PUS7: variants seen among roughly 807,000 people sequenced by gnomAD.
PUS7 encodes the protein pseudouridine synthase 7.
Under a neutral mutation model 79.8 loss-of-function variants are expected in PUS7, and 48 were observed. The ratio of observed to expected loss-of-function variants is 0.60; its 90% CI spans 0.48 to 0.76. PUS7 has a LOEUF of 0.76. Among genes scored for constraint, PUS7 ranks in the 30% least tolerant of loss-of-function variants. The pLI, the probability that PUS7 is intolerant of heterozygous loss-of-function variation, is 0.00. For synonymous variants in PUS7, 286 were observed against 272.2 expected (o/e 1.05, Z -0.50); for missense variants, 729 against 797.6 (o/e 0.91, Z 1.04).
In PUS7 at chr7:105,506,045, T is replaced by C. The variant is rs184290686; in HGVS notation, c.495A>G (p.Glu165=). 6 of 1,613,110 alleles carry C rather than the reference T, an allele frequency of 3.7e-6. No individual in the cohort carries two copies. In the East Asian group the frequency reaches 1.3e-4, roughly 36 times the overall value. ...SIPVDEEDPS[E]DIFTVLTAEE... Reference sequence around the variant, plus strand: ...CAGCTGTCAAAACTGTAAATATGTCTTCTGAAGGGTCCTTTAAAATAACCA... The same window carrying C: ...CAGCTGTCAAAACTGTAAATATGTCCTCTGAAGGGTCCTTTAAAATAACCA... The change falls in exon 4 of 16, where the codon GAA becomes GAG. Residue 165 remains glutamate (E), a synonymous_variant. Coordinates refer to ENST00000469408, the MANE Select transcript of PUS7 (RefSeq NM_019042.5).
chr7:105,480,808 A>T (rs1317950011), intron 9 of PUS7, among the ~76,000 whole-genome samples: 1 of 151,850 alleles, frequency 6.6e-6, no homozygotes, highest in Non-Finnish European at 1.5e-5. Context: ...TAAAATAAAA[A>T]AATAAAAATA....
intron 15 of PUS7, among the ~76,000 whole-genome samples, chr7:105,458,241 T>TGA (rs1447625765): frequency 6.6e-6 from 1 of 152,126 alleles, no homozygotes; most frequent in East Asian, 1.9e-4. Flanking sequence ...AATTTGATGA[T>TGA]GAGAATGCCA....
At chr7:105,481,381 G>A (rs1824313919) in intron 8 of PUS7, among the ~76,000 whole-genome samples, 1 of 152,150 alleles carries the variant, frequency 6.6e-6, no homozygotes, top group African/African-American at 2.4e-5. Flanking sequence ...ATTTTTAAGT[G>A]TGCAATTTGG....
chr7:105,461,254 T>C (rs1402858508), intron 14 of PUS7, among the ~76,000 whole-genome samples: 1 of 152,224 alleles, frequency 6.6e-6, no homozygotes, highest in Admixed American at 6.5e-5. Flanking sequence ...CAGAGATAGC[T>C]CTGTAAGCAA....
At chr7:105,482,658 A>C (rs1378936483) in intron 7 of PUS7, among the ~76,000 whole-genome samples, 1 of 151,648 alleles carries the variant, frequency 6.6e-6, no homozygotes, top group Non-Finnish European at 1.5e-5. Context: ...CAAATTGCAT[A>C]CTCCTGGCCA....
chr7:105,509,441 A>G (rs1417519969), intron 1 of PUS7, among the ~76,000 whole-genome samples: 1 of 151,928 alleles, frequency 6.6e-6, no homozygotes, highest in East Asian at 1.9e-4. Flanking sequence ...GAAATAATAA[A>G]GTTTTAGCTC....
At chr7:105,486,193 C>T (rs908395613) in intron 7 of PUS7, among the ~76,000 whole-genome samples, 3 of 151,990 alleles carry the variant, frequency 2.0e-5, no homozygotes, top group South Asian at 2.1e-4. Flanking sequence ...GCTGGGATTA[C>T]AGACGCCTGC....
rs1222104837 is a variant in PUS7 at position 105,491,621 on chromosome 7, G to A, written c.843-4C>T. ...GGAGAATATATTTGGCTTGACTCTG[G>A]TAAGAGAGAAACAAGATCATCTGAA... is the stretch of plus-strand genomic sequence containing the variant. On this transcript the variant is annotated splice_region_variant and splice_polypyrimidine_tract_variant and intron_variant, in intron 6 of 15. Coordinates refer to ENST00000469408, the MANE Select transcript of PUS7 (RefSeq NM_019042.5). 6.5e-7 allele frequency: 1 copy of A among 1,543,570 alleles called. No homozygotes were observed. Among genetic ancestry groups the A allele is most frequent in the Non-Finnish European group, 9.0e-7 (1 of 1,117,298 alleles).
intron 1 of PUS7, among the ~76,000 whole-genome samples, chr7:105,520,320 G>C (rs191665329): frequency 7.3e-4 from 111 of 151,986 alleles, no homozygotes; most frequent in African/African-American, 2.5e-3. Context: ...TTAGCCGGGC[G>C]TGGTGGCGGG....
chr7:105,488,007 A>G (rs1824623910), intron 7 of PUS7, among the ~76,000 whole-genome samples: 1 of 152,134 alleles, frequency 6.6e-6, no homozygotes, highest in Non-Finnish European at 1.5e-5. Flanking sequence ...GGCCCCATGT[A>G]TCCATTAAAC....
At chr7:105,510,414 G>GTC (rs1197918344) in intron 1 of PUS7, among the ~76,000 whole-genome samples, 2 of 152,098 alleles carry the variant, frequency 1.3e-5, no homozygotes, top group African/African-American at 4.8e-5. Context: ...TGTCATACAG[G>GTC]TGGTATATAG....
rs201227498 is a variant in PUS7 at position 105,472,187 on chromosome 7, T to C, written c.1182A>G (p.Ile394Met). The C allele has an allele frequency of 3.2e-6, 5 of 1,579,054 alleles. No homozygotes were observed. Among genetic ancestry groups the C allele is most frequent in the Non-Finnish European group, 1.7e-6 (2 of 1,150,284 alleles). The change falls in exon 10 of 16, where the codon ATA becomes ATG. Residue 394 changes from isoleucine (I) to methionine (M), a missense_variant. Transcript: ENST00000469408. Reference protein sequence around the residue: ...AVPTYQVGRAILQNSWTEVMD... With the variant: ...AVPTYQVGRAMLQNSWTEVMD... Reference sequence around the variant, plus strand: ...TGACTTCTGTCCAGGAATTTTGTAGTATAGCTCTAAAATTAAACAACATTT... The same window carrying C: ...TGACTTCTGTCCAGGAATTTTGTAGCATAGCTCTAAAATTAAACAACATTT...
At chr7:105,464,584 G>A (rs2133049428) in intron 13 of PUS7, among the ~76,000 whole-genome samples, 1 of 152,274 alleles carries the variant, frequency 6.6e-6, no homozygotes, top group East Asian at 1.9e-4. Flanking sequence ...TCAACTCCAG[G>A]TTCTCTGGCC....
intron 12 of PUS7, among the ~76,000 whole-genome samples, chr7:105,466,930 G>A (rs997905124): frequency 6.6e-6 from 1 of 151,736 alleles, no homozygotes; most frequent in African/African-American, 2.4e-5. Flanking sequence ...GGGTCTGCCT[G>A]CAGATGAGCA....
chr7:105,481,921 A>G lies in PUS7; in HGVS notation c.1049+391T>C, dbSNP rs568611456. Among the ~76,000 whole-genome samples the G allele has an allele frequency of 2.4e-3, 369 of 152,196 alleles. 2 individuals carry two copies. The highest frequency in any genetic ancestry group is 8.5e-3 in the African/African-American group (353 of 41,530). ...AATTTTTTGTATTTTTAGTAGAGAC[A>G]GGGTTTCACCGTATTAGCCAGGATG... is the stretch of plus-strand genomic sequence containing the variant. On this transcript the variant is annotated intron_variant, in intron 8 of 15. Coordinates refer to ENST00000469408, the MANE Select transcript of PUS7 (RefSeq NM_019042.5).
chr7:105,507,606 A>G (rs1009581370), intron 2 of PUS7, among the ~76,000 whole-genome samples: 9 of 151,812 alleles, frequency 5.9e-5, no homozygotes, highest in Non-Finnish European at 1.5e-5. Context: ...CAGTGGTGCA[A>G]TCTCGGCTCA....
chr7:105,470,804 T>C lies in PUS7; in HGVS notation c.1282A>G (p.Thr428Ala). Residue 428 changes from threonine to alanine, a missense_variant, in exon 11 of 16, where the codon ACC becomes GCC. Transcript: ENST00000469408. ...CTGAGGGCAGCAGTTGGGTCTTTGG[T>C]CTTTGCCCATTCTTCTCTGCATTTA... ...LVKCREEWAK[T>A]KDPTAALRKL... is the part of the protein sequence containing the mutation. 1 of 1,610,170 alleles carries C rather than the reference T, an allele frequency of 6.2e-7. No homozygotes were observed. The highest frequency in any genetic ancestry group is 8.5e-7 in the Non-Finnish European group (1 of 1,176,900).
intron 1 of PUS7, among the ~76,000 whole-genome samples, chr7:105,510,478 T>G (rs1825659507): frequency 6.6e-6 from 1 of 152,138 alleles, no homozygotes; most frequent in Non-Finnish European, 1.5e-5. Context: ...TGAATACACT[T>G]AACTCTACTG....
intron 15 of PUS7, 105 bp from the exon 16 acceptor site, chr7:105,458,031 T>C (rs1374904860): frequency 2.3e-6 from 3 of 1,312,522 alleles, no homozygotes; most frequent in Non-Finnish European, 3.1e-6. Context: ...GCTGCTTTCC[T>C]TAGACTCCAC....
Sources: allele counts gnomAD v4.1 joint callset (sites outside exome capture counted in the v4.1 genomes callset), GRCh38; gene constraint gnomAD v4.1.1; transcripts MANE v1.5; gene names NCBI Gene and HGNC (gene_info 2026-07-23, HGNC 2026-07-21).